Variants in LFNG observed in about 807,000 individuals in gnomAD.
LFNG encodes beta-1,3-N-acetylglucosaminyltransferase lunatic fringe.
Under a neutral mutation model 32.7 loss-of-function variants are expected in LFNG, and 15 were observed. That is an observed-to-expected ratio of 0.46 (90% CI 0.31 to 0.71). LFNG has a LOEUF of 0.71. Among genes scored for constraint, LFNG ranks in the 30% least tolerant of loss-of-function variants. The pLI, the probability that LFNG is intolerant of heterozygous loss-of-function variation, is 0.06. For synonymous variants in LFNG, 274 were observed against 246.8 expected (o/e 1.11, Z -1.03); for missense variants, 520 against 545.7 (o/e 0.95, Z 0.47).
chr7:2,512,822 C>T, intron 1 of LFNG: 1 of 885,542 alleles, frequency 1.1e-6, no homozygotes, highest in South Asian at 1.4e-5. Context: ...GATCCTCAGG[C>T]TTCTCTTTAT....
intron 2 of LFNG, among the ~76,000 whole-genome samples, chr7:2,524,970 G>A (rs959978181): frequency 6.6e-6 from 1 of 152,238 alleles, no homozygotes; most frequent in Non-Finnish European, 1.5e-5. Flanking sequence ...CCCAGGCAGC[G>A]GCAACAGGTG....
In LFNG at chr7:2,527,093, G is replaced by A. The variant is rs747915828; in HGVS notation, c.1074-53G>A. 7.0e-6 allele frequency: 11 copies of A among 1,567,884 alleles called. No homozygotes were observed. Among genetic ancestry groups the A allele is most frequent in the East Asian group, 2.2e-5 (1 of 44,516 alleles). ...CAGTGTTGTGGGACTGCAAATGGGA[G>A]CTCAGCACCTGCCTGCCACCCACGC... On this transcript the variant is annotated intron_variant, in intron 7 of 7. Transcript: ENST00000222725. The surrounding 1 kb of genome is among the most constrained non-coding windows in gnomAD (Gnocchi z 4.4).
Position 2,526,786 on chromosome 7 carries a change from G to C in LFNG, c.988-50G>C. ...GGCTGTGTGGCCAGCCTGGGGCGGG[G>C]CCCAGGGATGTCGGGCCCCTCCCGG... On this transcript the variant is annotated intron_variant, in intron 6 of 7. Coordinates refer to ENST00000222725, the MANE Select transcript of LFNG (RefSeq NM_001040167.2). This position sits in a 1 kb window ranked among gnomAD's most constrained non-coding sequence, Gnocchi z 6.9. 6.4e-7 allele frequency: 1 copy of C among 1,563,698 alleles called. No individual in the cohort carries two copies. The highest frequency in any genetic ancestry group is 8.8e-7 in the Non-Finnish European group (1 of 1,137,144).
In LFNG at chr7:2,525,697, T is replaced by C; in HGVS notation, c.748T>C (p.Phe250Leu). Residue 250 changes from phenylalanine to leucine, a missense_variant, in exon 5 of 8, where the codon TTC becomes CTC. Phe to Leu is a conservative substitution (Grantham distance 22, BLOSUM62 0). Coordinates refer to ENST00000222725, the MANE Select transcript of LFNG (RefSeq NM_001040167.2). ...VSENKVRPVHFWFATGGAGFC... is the reference protein window; with the variant it reads ...VSENKVRPVHLWFATGGAGFC... ...TCCCTTCTCCCAGCGTCCTGTCCACTTCTGGTTTGCCACGGGCGGCGCTGG... is the reference window on the plus strand; with the variant it reads ...TCCCTTCTCCCAGCGTCCTGTCCACCTCTGGTTTGCCACGGGCGGCGCTGG... 1 of 1,613,224 alleles carries C rather than the reference T, an allele frequency of 6.2e-7. No homozygotes were observed. The highest frequency in any genetic ancestry group is 8.5e-7 in the Non-Finnish European group (1 of 1,179,998).
chr7:2,527,508 A>T lies in LFNG; in HGVS notation c.*296A>T. ...TGTGTCGGAGGCCACTCCGAGGGCAATTCTGTTAGGATTTTTGGATCTTTC... is the reference window on the plus strand; with the variant it reads ...TGTGTCGGAGGCCACTCCGAGGGCATTTCTGTTAGGATTTTTGGATCTTTC... On this transcript the variant is annotated 3_prime_UTR_variant, in exon 8 of 8. Transcript: ENST00000222725. This position sits in a 1 kb window ranked among gnomAD's most constrained non-coding sequence, Gnocchi z 4.4. The T allele has an allele frequency of 1.5e-6, 2 of 1,350,374 alleles. No individual in the cohort carries two copies. The highest frequency in any genetic ancestry group is 1.9e-6 in the Non-Finnish European group (2 of 1,044,702). 83.6% of individuals were successfully genotyped at this position (1,350,374 alleles called of 1,614,324 possible).
chr7:2,526,813 A>G lies in LFNG; in HGVS notation c.988-23A>G. On this transcript the variant is annotated intron_variant, in intron 6 of 7. Transcript: ENST00000222725. This position sits in a 1 kb window ranked among gnomAD's most constrained non-coding sequence, Gnocchi z 6.9. Reference sequence around the variant, plus strand: ...CCAGGGATGTCGGGCCCCTCCCGGCATCACTCCGCCCGCTCCCCACAGGTG... The same window carrying G: ...CCAGGGATGTCGGGCCCCTCCCGGCGTCACTCCGCCCGCTCCCCACAGGTG... 4 of 1,610,368 alleles carry G rather than the reference A, an allele frequency of 2.5e-6. No homozygotes were observed. Among genetic ancestry groups the G allele is most frequent in the Admixed American group, 3.3e-5 (2 of 59,896 alleles).
At chr7:2,521,598 A>G (rs1033102290) in intron 1 of LFNG, among the ~76,000 whole-genome samples, 1 of 152,088 alleles carries the variant, frequency 6.6e-6, no homozygotes, top group Non-Finnish European at 1.5e-5. Context: ...ACCATCCCTG[A>G]GCCTGGCCCC....
At chr7:2,513,091 G>T, upstream of LFNG, 1 of 1,531,708 alleles carries the variant, frequency 6.5e-7, no homozygotes, top group African/African-American at 1.4e-5. Flanking sequence ...TCTGGGCCCT[G>T]GGCACCTTTG....
At chr7:2,513,723 C>G (rs960952944), upstream of LFNG, among the ~76,000 whole-genome samples, 1 of 152,236 alleles carries the variant, frequency 6.6e-6, no homozygotes, top group Non-Finnish European at 1.5e-5. Context: ...AGACAAAGGC[C>G]GGCTGGGGCA....
At position 2,520,403 on chromosome 7, in the gene LFNG, T is replaced by A. The variant is rs970991573; in HGVS notation, c.432+110T>A. On this transcript the variant is annotated intron_variant, in intron 1 of 7. Transcript: ENST00000222725. This position sits in a 1 kb window ranked among gnomAD's most constrained non-coding sequence, Gnocchi z 5.0. ...TCAGGCTGCATCCCCATCCAGCCAC[T>A]AGGGCCATCTGTGGGCGACGCCAGT... The A allele has an allele frequency of 1.1e-5, 11 of 1,009,408 alleles. No homozygotes were observed. The African/African-American group carries it at 1.5e-4, about 14-fold the overall frequency. The allele number at this position is 1,009,408 out of a possible 1,614,324, so 62.5% of individuals were successfully genotyped here.
chr7:2,524,638 A>G, intron 1 of LFNG, 57 bp from the exon 2 acceptor site: 1 of 1,521,652 alleles, frequency 6.6e-7, no homozygotes. Context: ...GCCCCCACAG[A>G]TGGCCCTGGG....
rs1040441711 is a variant in LFNG at position 2,528,103 on chromosome 7, T to G, written c.*891T>G. On this transcript the variant is annotated 3_prime_UTR_variant, in exon 8 of 8. Transcript: ENST00000222725. The stretch of plus-strand genomic sequence containing the variant: ...GGGTGGGGGAGGGTCTTATTTTATC[T>G]TATCTTTTCTGTGGATCAGAAAAAA... 3.0e-6 allele frequency: 3 copies of G among 985,244 alleles called. No individual in the cohort carries two copies. Among genetic ancestry groups the G allele is most frequent in the Non-Finnish European group, 3.6e-6 (3 of 829,618 alleles). The allele number at this position is 985,244 out of a possible 1,614,324, so 61.0% of individuals were successfully genotyped here. A position where few individuals can be genotyped will look rare whatever the true frequency, so the allele number is the denominator to read the frequency against.
At position 2,524,729 on chromosome 7, in the gene LFNG, T is replaced by G. The variant is rs1779899757; in HGVS notation, c.467T>G (p.Leu156Arg). Residue 156 changes from leucine to arginine, a missense_variant, in exon 2 of 8, where the codon CTG becomes CGG. By Grantham distance (102) the Leu-to-Arg change is moderately radical. Coordinates refer to ENST00000222725, the MANE Select transcript of LFNG (RefSeq NM_001040167.2). The part of the protein sequence containing the change: ...FIFTDGEDEA[L>R]ARHTGNVVIT... ...TTCACTGACGGGGAAGATGAGGCCC[T>G]GGCCAGGCACACGGGTGAGCCCTGG... 6.3e-7 allele frequency: 1 copy of G among 1,590,644 alleles called. No homozygotes were observed. Among genetic ancestry groups the G allele is most frequent in the East Asian group, 2.3e-5 (1 of 44,066 alleles).
Position 2,527,573 on chromosome 7 carries a change from T to C in LFNG, c.*361T>C. 6 of 1,221,060 alleles carry C rather than the reference T, an allele frequency of 4.9e-6. No individual in the cohort carries two copies. The highest frequency in any genetic ancestry group is 6.2e-6 in the Non-Finnish European group (6 of 964,288). 75.6% of individuals were successfully genotyped at this position (1,221,060 alleles called of 1,614,324 possible). Reference sequence around the variant, plus strand: ...TCCGGGCTACTTTGCAGGGATGCGATGCGTAGGTGCCTTTCTCTTCCTGCT... The same window carrying C: ...TCCGGGCTACTTTGCAGGGATGCGACGCGTAGGTGCCTTTCTCTTCCTGCT... On this transcript the variant is annotated 3_prime_UTR_variant, in exon 8 of 8. Coordinates refer to ENST00000222725, the MANE Select transcript of LFNG (RefSeq NM_001040167.2). This position sits in a 1 kb window ranked among gnomAD's most constrained non-coding sequence, Gnocchi z 4.4.
upstream of LFNG, chr7:2,517,743 T>C (rs7458315): frequency 0.078 from 44,106 of 567,958 alleles, 2,125 homozygotes; most frequent in Admixed American, 0.13. Context: ...ATTTGGGGGC[T>C]TGGCCATGCT....
chr7:2,514,496 G>A (rs1167626688), upstream of LFNG, among the ~76,000 whole-genome samples: 6 of 151,960 alleles, frequency 3.9e-5, no homozygotes, highest in Admixed American at 6.6e-5. Flanking sequence ...CCATCTGTTG[G>A]TCCATCTGTC....
chr7:2,524,079 C>T (rs1451142371), intron 1 of LFNG, among the ~76,000 whole-genome samples: 3 of 152,176 alleles, frequency 2.0e-5, no homozygotes, highest in Non-Finnish European at 2.9e-5. Flanking sequence ...AAGGCCGGCC[C>T]GGCGCCCCTC....
upstream of LFNG, chr7:2,513,080 G>C: frequency 6.9e-7 from 1 of 1,454,856 alleles, no homozygotes; most frequent in African/African-American, 1.4e-5. Context: ...GTTCTCCCTC[G>C]TCTGGGCCCT....
At chr7:2,516,377 G>C (rs1779628290), upstream of LFNG, among the ~76,000 whole-genome samples, 1 of 152,244 alleles carries the variant, frequency 6.6e-6, no homozygotes, top group South Asian at 2.1e-4. Flanking sequence ...AGGCAGGCCA[G>C]AGCAGCCCCA....
Sources: gnomAD v4.1 joint callset for allele counts (sites outside exome capture counted in the v4.1 genomes callset) on GRCh38, gnomAD v4.1.1 for gene constraint, Gnocchi (gnomAD v3.1) non-coding constraint, MANE v1.5 for transcripts, NCBI Gene and HGNC (gene_info 2026-07-23, HGNC 2026-07-21) for gene names.